The following TCF7L2 variants were observed in gnomAD, a reference collection of about 807,000 sequenced individuals.
TCF7L2 encodes transcription factor 7 like 2.
A neutral mutation model predicts 77.9 loss-of-function variants in TCF7L2; 23 were observed. The ratio of observed to expected loss-of-function variants is 0.30; its 90% CI spans 0.21 to 0.42. TCF7L2 has a LOEUF of 0.42. TCF7L2 is among the 10% of genes least tolerant of loss of function. The pLI, the probability that TCF7L2 is intolerant of heterozygous loss-of-function variation, is 1.00. For missense variants in TCF7L2, 654 were observed against 793.1 expected (o/e 0.82, Z 2.11); for synonymous variants, 413 against 340.2 (o/e 1.21, Z -2.36).
At chr10:113,053,061 C>T (rs2054743429) in intron 5 of TCF7L2, among the ~76,000 whole-genome samples, 1 of 152,144 alleles carries the variant, frequency 6.6e-6, no homozygotes, top group Non-Finnish European at 1.5e-5. Flanking sequence ...TGGCGTGGGA[C>T]ACAGGCACAG....
At chr10:112,981,679 A>G (rs1342049653) in intron 4 of TCF7L2, among the ~76,000 whole-genome samples, 1 of 152,248 alleles carries the variant, frequency 6.6e-6, no homozygotes, top group Non-Finnish European at 1.5e-5. Context: ...TAAAAAGTAC[A>G]CAGAGAAAAC....
At chr10:113,102,792 G>A (rs1175830974) in intron 5 of TCF7L2, among the ~76,000 whole-genome samples, 1 of 151,976 alleles carries the variant, frequency 6.6e-6, no homozygotes, top group Admixed American at 6.6e-5. Flanking sequence ...AGTGGGAGTG[G>A]GATAGGCTTT....
chr10:112,983,132 T>A (rs2040797267), intron 4 of TCF7L2, among the ~76,000 whole-genome samples: 1 of 151,736 alleles, frequency 6.6e-6, no homozygotes, highest in Non-Finnish European at 1.5e-5. Flanking sequence ...TTTTTGTTTT[T>A]TTGTTTTTTT....
At chr10:113,107,297 C>G (rs968250352) in intron 5 of TCF7L2, among the ~76,000 whole-genome samples, 9 of 152,058 alleles carry the variant, frequency 5.9e-5, no homozygotes, top group Non-Finnish European at 1.2e-4. Context: ...ATGACTTGGG[C>G]TATTTCAAAT....
intron 5 of TCF7L2, among the ~76,000 whole-genome samples, chr10:113,102,111 CAAAAAAAAAAAAAA>C (rs139047649): frequency 2.0e-4 from 14 of 71,744 alleles, no homozygotes; most frequent in Non-Finnish European, 3.0e-4. Flanking sequence ...GTGACTCCAT[CAAAAAAAAAAAAAA>C]AAAAAAAAAA....
chr10:113,134,217 G>A (rs2067046709), intron 5 of TCF7L2, among the ~76,000 whole-genome samples: 1 of 152,148 alleles, frequency 6.6e-6, no homozygotes, highest in Non-Finnish European at 1.5e-5. Context: ...GGCTAGCTGC[G>A]AGGGGAGAGG....
At position 113,019,652 on chromosome 10, in the gene TCF7L2, C is replaced by CA. The variant is rs34337779; in HGVS notation, c.451-20364dup. ...TTCGATTTAAAATAATGTTTAGAGACAAAAAAAAAGGGTCCAATCCACTTG... is the reference window on the plus strand; with the variant it reads ...TTCGATTTAAAATAATGTTTAGAGACAAAAAAAAAAGGGTCCAATCCACTTG... On this transcript the variant is annotated intron_variant, in intron 4 of 13. Coordinates refer to ENST00000627217, the MANE Select transcript of TCF7L2 (RefSeq NM_001146274.2). 4.7e-4 allele frequency among the ~76,000 whole-genome samples: 70 copies of CA among 149,184 alleles called. 1 individual carries two copies. The highest frequency in any genetic ancestry group is 2.1e-3 in the South Asian group (10 of 4,702).
chr10:113,151,906 G>A lies in TCF7L2; in HGVS notation c.1161+22G>A, dbSNP rs2137157521. 6.3e-7 allele frequency: 1 copy of A among 1,583,418 alleles called. No homozygotes were observed. Among genetic ancestry groups the A allele is most frequent in the Non-Finnish European group, 8.6e-7 (1 of 1,169,366 alleles). On this transcript the variant is annotated intron_variant, in intron 10 of 13. Coordinates refer to ENST00000627217, the MANE Select transcript of TCF7L2 (RefSeq NM_001146274.2). This position sits in a 1 kb window ranked among gnomAD's most constrained non-coding sequence, Gnocchi z 5.2. ...GAGGGTAGGTGACGCCCTTCTCAGG[G>A]AGAAGCGGGGGGCGGGTGGTGAGGG...
intron 5 of TCF7L2, among the ~76,000 whole-genome samples, chr10:113,097,274 G>A (rs1161368191): frequency 6.6e-6 from 1 of 152,182 alleles, no homozygotes; most frequent in Admixed American, 6.5e-5. Flanking sequence ...GGAGCAGCTT[G>A]TAACCAACCA....
At position 112,961,263 on chromosome 10, in the gene TCF7L2, C is replaced by G. The variant is rs187842156; in HGVS notation, c.382-3293C>G. On this transcript the variant is annotated intron_variant, in intron 3 of 13. Transcript: ENST00000627217. ...CTCCCGACCTCAGGTGACCCCCCCC[C>G]CCCCAACCTCGGCCTTCCAAAGCGC... Among the ~76,000 whole-genome samples the G allele has an allele frequency of 8.1e-3, 980 of 121,226 alleles. 157 individuals carry two copies. Among genetic ancestry groups the G allele is most frequent in the Middle Eastern group, 0.016 (4 of 246 alleles). 79.5% of individuals were successfully genotyped at this position (121,226 alleles called of 152,430 possible). A position where few individuals can be genotyped will look rare whatever the true frequency, so the allele number is the denominator to read the frequency against.
chr10:112,997,935 A>T (rs1326598890), intron 4 of TCF7L2, among the ~76,000 whole-genome samples: 1 of 152,192 alleles, frequency 6.6e-6, no homozygotes, highest in East Asian at 1.9e-4. Context: ...CAAATTTCTA[A>T]GTGTATTACA....
intron 5 of TCF7L2, among the ~76,000 whole-genome samples, chr10:113,077,103 C>T (rs1454524510): frequency 1.3e-5 from 2 of 152,120 alleles, no homozygotes; most frequent in Non-Finnish European, 2.9e-5. Flanking sequence ...CTTCTTCCAC[C>T]GTAATTTACA....
chr10:113,105,565 C>A (rs1310082651), intron 5 of TCF7L2, among the ~76,000 whole-genome samples: 1 of 152,208 alleles, frequency 6.6e-6, no homozygotes, highest in African/African-American at 2.4e-5. Flanking sequence ...AGGCCCATTT[C>A]TCTCCTTTTT....
chr10:113,018,761 C>G (rs2047776652), intron 4 of TCF7L2, among the ~76,000 whole-genome samples: 1 of 152,072 alleles, frequency 6.6e-6, no homozygotes, highest in Non-Finnish European at 1.5e-5. Flanking sequence ...AGCCACTGCA[C>G]CTGGCCTCTC....
intron 11 of TCF7L2, among the ~76,000 whole-genome samples, chr10:113,154,946 T>A (rs2071547209): frequency 6.8e-6 from 1 of 146,708 alleles, no homozygotes; most frequent in Non-Finnish European, 1.5e-5. Flanking sequence ...GCACTGAAGC[T>A]TTTATGGATT....
chr10:112,987,786 G>T, intron 4 of TCF7L2: 1 of 167,454 alleles, frequency 6.0e-6, no homozygotes, highest in South Asian at 1.5e-4. Context: ...GCATTGTGCT[G>T]ACCTCAGCTG....
chr10:113,063,671 T>C (rs1241384000), intron 5 of TCF7L2, among the ~76,000 whole-genome samples: 1 of 152,132 alleles, frequency 6.6e-6, no homozygotes, highest in Non-Finnish European at 1.5e-5. Context: ...CCTGGCATGC[T>C]TCTGTTGAAA....
chr10:113,023,476 T>C (rs1179855904), intron 4 of TCF7L2, among the ~76,000 whole-genome samples: 1 of 152,148 alleles, frequency 6.6e-6, no homozygotes, highest in Non-Finnish European at 1.5e-5. Flanking sequence ...TGTTTCTTTT[T>C]CTTTTTATTT....
rs758315106 is a variant in TCF7L2, at chr10:113,151,921, G to A, written c.1161+37G>A. ...CCTTCTCAGGGAGAAGCGGGGGGCG[G>A]GTGGTGAGGGACCAGAGTGCAGCAG... On this transcript the variant is annotated intron_variant, in intron 10 of 13. Transcript: ENST00000627217. The surrounding 1 kb of genome is among the most constrained non-coding windows in gnomAD (Gnocchi z 5.2). 2 of 1,571,778 alleles carry A rather than the reference G, an allele frequency of 1.3e-6. No individual in the cohort carries two copies. Among genetic ancestry groups the A allele is most frequent in the Non-Finnish European group, 1.7e-6 (2 of 1,164,726 alleles).
Sources: gnomAD v4.1 joint callset for allele counts (sites outside exome capture counted in the v4.1 genomes callset) on GRCh38, gnomAD v4.1.1 for gene constraint, Gnocchi (gnomAD v3.1) non-coding constraint, MANE v1.5 for transcripts, NCBI Gene and HGNC (gene_info 2026-07-23, HGNC 2026-07-21) for gene names.